The following ATP13A3 variants were observed in gnomAD, a reference collection of about 807,000 sequenced individuals.
The protein encoded by ATP13A3 is ATPase 13A3.
In ATP13A3, 59 loss-of-function variants were observed where a neutral mutation model predicts 158.1. That is an observed-to-expected ratio of 0.37 (90% CI 0.30 to 0.46). The LOEUF is 0.46. Among genes scored for constraint, ATP13A3 ranks in the 20% least tolerant of loss-of-function variants. The pLI, the probability that ATP13A3 is intolerant of heterozygous loss-of-function variation, is 1.00. For synonymous variants in ATP13A3, 491 were observed against 504.3 expected (o/e 0.97, Z 0.35); for missense variants, 1,166 against 1,525.2 (o/e 0.76, Z 3.92).
intron 15 of ATP13A3, among the ~76,000 whole-genome samples, chr3:194,443,120 T>C (rs1232532912): frequency 1.3e-5 from 2 of 151,442 alleles, no homozygotes; most frequent in African/African-American, 4.8e-5. Context: ...GATGCAATGG[T>C]TAAGGCATTA....
At chr3:194,433,710 T>A (rs1226117462) in intron 21 of ATP13A3, 62 bp downstream of exon 21, 7 of 1,586,884 alleles carry the variant, frequency 4.4e-6, no homozygotes, top group Non-Finnish European at 6.0e-6. Flanking sequence ...TATCCCTCAA[T>A]ATAATATAAC....
At position 194,494,331 on chromosome 3, in the gene ATP13A3, G is replaced by A; in HGVS notation, n.516-51C>T. The A allele has an allele frequency of 2.5e-6, 1 of 398,178 alleles. No individual in the cohort carries two copies. Among genetic ancestry groups the A allele is most frequent in the Non-Finnish European group, 4.4e-6 (1 of 225,900 alleles). The allele number at this position is 398,178 out of a possible 1,614,324, so 24.7% of individuals were successfully genotyped here. A position where few individuals can be genotyped will look rare whatever the true frequency, so the allele number is the denominator to read the frequency against. On this transcript the variant is annotated intron_variant and non_coding_transcript_variant, in intron 1 of 32. Coordinates refer to the ATP13A3 transcript ENST00000687055. The surrounding 1 kb of genome is among the most constrained non-coding windows in gnomAD (Gnocchi z 4.2). ...ATTGATTTTCACAACCACGATGTCA[G>A]ACTAGCAATGGAATTGTTTTGATTC... is the stretch of plus-strand genomic sequence containing the variant.
chr3:194,451,193 A>C (rs1223234679), intron 10 of ATP13A3: 1 of 152,204 alleles, frequency 6.6e-6, no homozygotes, highest in Non-Finnish European at 1.5e-5. Context: ...AATTTACTAA[A>C]TTATGAGGGA....
At chr3:194,440,363 A>G (rs1474542419) in intron 16 of ATP13A3, among the ~76,000 whole-genome samples, 1 of 152,214 alleles carries the variant, frequency 6.6e-6, no homozygotes, top group Non-Finnish European at 1.5e-5. Context: ...CATGAGGGTG[A>G]GGATTCCAGA....
chr3:194,466,674 A>G (rs1414227220), intron 2 of ATP13A3, among the ~76,000 whole-genome samples: 1 of 152,174 alleles, frequency 6.6e-6, no homozygotes, highest in Non-Finnish European at 1.5e-5. Flanking sequence ...TTGATAATAG[A>G]AAAGGTTTTC....
chr3:194,430,940 T>C lies in ATP13A3; in HGVS notation c.2624+3A>G. 1 of 1,607,028 alleles carries C rather than the reference T, an allele frequency of 6.2e-7. No individual in the cohort carries two copies. The highest frequency in any genetic ancestry group is 1.7e-4 in the Middle Eastern group (1 of 6,030). ...CAAAACCAAAAAAGACACCAATACT[T>C]ACTCAACATTTTGCAATGCTTCTAT... On this transcript the variant is annotated splice_donor_region_variant and intron_variant, in intron 24 of 33. Transcript: ENST00000645319.
chr3:194,452,895 T>TGAGA (rs1718910711), intron 10 of ATP13A3: 1 of 152,242 alleles, frequency 6.6e-6, no homozygotes, highest in African/African-American at 2.4e-5. Context: ...TACTGTTATC[T>TGAGA]CTACACCGAA....
intron 15 of ATP13A3, among the ~76,000 whole-genome samples, chr3:194,444,485 A>T (rs1225981211): frequency 6.6e-5 from 10 of 152,214 alleles, no homozygotes; most frequent in Non-Finnish European, 1.2e-4. Context: ...AATATAAAAT[A>T]TGCAAAAATA....
chr3:194,450,986 G>A (rs377000779), intron 10 of ATP13A3: 1 of 152,000 alleles, frequency 6.6e-6, no homozygotes, highest in East Asian at 1.9e-4. Flanking sequence ...TTTCTTTAGG[G>A]TCACCTTATA....
At chr3:194,480,169 G>C (rs189056575) in intron 2 of ATP13A3, among the ~76,000 whole-genome samples, 1 of 152,182 alleles carries the variant, frequency 6.6e-6, no homozygotes, top group East Asian at 1.9e-4. Flanking sequence ...AATTCTCTAA[G>C]GTACCCTTTA....
intron 2 of ATP13A3, among the ~76,000 whole-genome samples, chr3:194,472,691 T>C (rs559561548): frequency 2.6e-5 from 4 of 152,122 alleles, no homozygotes; most frequent in Non-Finnish European, 5.9e-5. Context: ...AAAAGACACA[T>C]GCACTCATAT....
intron 2 of ATP13A3, among the ~76,000 whole-genome samples, chr3:194,481,852 ATCCAC>A (rs1401773077): frequency 9.9e-5 from 15 of 152,202 alleles, no homozygotes; most frequent in Non-Finnish European, 2.1e-4. Flanking sequence ...TAAAACCAAG[ATCCAC>A]AGGGAGTAAG....
intron 15 of ATP13A3, among the ~76,000 whole-genome samples, chr3:194,443,975 C>T (rs1023203944): frequency 6.7e-6 from 1 of 149,446 alleles, no homozygotes; most frequent in African/African-American, 2.5e-5. Flanking sequence ...TGAAAAGATG[C>T]TCAATTTTAT....
At chr3:194,411,383 G>A (rs985280275) in intron 33 of ATP13A3, among the ~76,000 whole-genome samples, 1 of 152,154 alleles carries the variant, frequency 6.6e-6, no homozygotes, top group African/African-American at 2.4e-5. Flanking sequence ...AGAAAAATGG[G>A]TAAGGCAATG....
Position 194,438,903 on chromosome 3 carries a change from G to C in ATP13A3, c.1780C>G (p.Pro594Ala), listed in dbSNP as rs1328604816. 6.2e-7 allele frequency: 1 copy of C among 1,610,410 alleles called. No homozygotes were observed. Among genetic ancestry groups the C allele is most frequent in the Non-Finnish European group, 8.5e-7 (1 of 1,178,034 alleles). The change falls in exon 17 of 34, where the codon CCC becomes GCC. Residue 594 changes from proline to alanine, a missense_variant. Transcript: ENST00000645319. ...NRIMPTVVRPPKQLLPESTPA... is the reference protein window; with the variant it reads ...NRIMPTVVRPAKQLLPESTPA... The stretch of plus-strand genomic sequence containing the variant: ...GTAGATTCAGGAAGCAGTTGTTTGG[G>C]AGGACGAACCACTGTGGGCATAATT...
intron 1 of ATP13A3, among the ~76,000 whole-genome samples, chr3:194,486,309 TCTGA>T (rs746695738): frequency 1.3e-5 from 2 of 151,864 alleles, no homozygotes; most frequent in Non-Finnish European, 2.9e-5. Context: ...TTCCGAAAGC[TCTGA>T]CTACCAACCA....
chr3:194,462,351 A>T lies in ATP13A3; in HGVS notation c.-46-115T>A, dbSNP rs142782547. On this transcript the variant is annotated intron_variant, in intron 2 of 33. Coordinates refer to ENST00000645319, the MANE Select transcript of ATP13A3 (RefSeq NM_001367549.1). The stretch of plus-strand genomic sequence containing the variant: ...GGGGTCCCCAACCCCTGGGTCACGG[A>T]CCTGTTAGGAACAGGGCCACACAGT... 3.4e-4 allele frequency: 224 copies of T among 651,966 alleles called. 1 individual carries two copies. The African/African-American group carries it at 3.8e-3, about 11-fold the overall frequency. The allele number at this position is 651,966 out of a possible 1,614,324, so 40.4% of individuals were successfully genotyped here. A position where few individuals can be genotyped will look rare whatever the true frequency, so the allele number is the denominator to read the frequency against.
At chr3:194,447,528 A>G (rs1423685221) in intron 13 of ATP13A3, among the ~76,000 whole-genome samples, 1 of 151,914 alleles carries the variant, frequency 6.6e-6, no homozygotes, top group African/African-American at 2.4e-5. Flanking sequence ...TCTCAGAGGT[A>G]AAAAAGAGAA....
chr3:194,469,636 T>G (rs182306881), intron 2 of ATP13A3, among the ~76,000 whole-genome samples: 16 of 152,334 alleles, frequency 1.1e-4, no homozygotes, highest in African/African-American at 3.6e-4. Context: ...TTATCCCGCT[T>G]TGTTTTGCAG....
Sources: gnomAD v4.1 joint callset for allele counts (sites outside exome capture counted in the v4.1 genomes callset) on GRCh38, gnomAD v4.1.1 for gene constraint, Gnocchi (gnomAD v3.1) non-coding constraint, MANE v1.5 for transcripts, NCBI Gene and HGNC (gene_info 2026-07-23, HGNC 2026-07-21) for gene names.